PIK3C2G: variants seen among roughly 807,000 people sequenced by gnomAD.
PIK3C2G encodes the protein phosphatidylinositol-4-phosphate 3-kinase catalytic subunit type 2 gamma.
A neutral mutation model predicts 181.1 loss-of-function variants in PIK3C2G; 168 were observed. The observed-to-expected ratio is 0.93, with a 90% CI of 0.82 to 1.05. The LOEUF (loss-of-function observed/expected upper bound fraction) is 1.05. Ranked by LOEUF, PIK3C2G falls within the 50% of genes least tolerant of loss-of-function variation. PIK3C2G has a pLI of 0.00. For missense variants in PIK3C2G, 1,869 were observed against 1,732.8 expected (o/e 1.08, Z -1.40); for synonymous variants, 573 against 592.2 (o/e 0.97, Z 0.47).
At chr12:18,647,451 T>C (rs1450282914) in intron 32 of PIK3C2G, among the ~76,000 whole-genome samples, 1 of 143,528 alleles carries the variant, frequency 7.0e-6, no homozygotes, top group Non-Finnish European at 1.5e-5. Flanking sequence ...GAATCTAAAA[T>C]TGAAAAAAAA....
chr12:18,357,050 A>G (rs1383422551), intron 11 of PIK3C2G, among the ~76,000 whole-genome samples: 1 of 152,128 alleles, frequency 6.6e-6, no homozygotes, highest in Non-Finnish European at 1.5e-5. Context: ...CATTCTAATT[A>G]TCACATTAAA....
At chr12:18,664,828 C>G in the PIK3C2G span, among the ~76,000 whole-genome samples, 1 of 150,578 alleles carries the variant, frequency 6.6e-6, no homozygotes, top group Non-Finnish European at 1.5e-5. Flanking sequence ...TATGCAGCCA[C>G]AAAAAATGAT....
the PIK3C2G span, among the ~76,000 whole-genome samples, chr12:18,689,548 G>A: frequency 7.9e-5 from 12 of 152,098 alleles, no homozygotes; most frequent in Non-Finnish European, 1.3e-4. Flanking sequence ...CAAAATATTG[G>A]ACACCCCTGG....
At chr12:18,603,623 A>G (rs1015582619) in intron 30 of PIK3C2G, among the ~76,000 whole-genome samples, 2 of 152,196 alleles carry the variant, frequency 1.3e-5, no homozygotes, top group Admixed American at 1.3e-4. Context: ...GTGAGACAGA[A>G]GCACCAGTTA....
chr12:18,655,512 C>T, the PIK3C2G span, among the ~76,000 whole-genome samples: 1 of 152,122 alleles, frequency 6.6e-6, no homozygotes, highest in African/African-American at 2.4e-5. Flanking sequence ...CTACCCATTC[C>T]TTACATATGA....
intron 22 of PIK3C2G, among the ~76,000 whole-genome samples, chr12:18,500,584 A>G (rs1164071967): frequency 6.6e-6 from 1 of 152,166 alleles, no homozygotes; most frequent in Non-Finnish European, 1.5e-5. Flanking sequence ...TGCGAGATCC[A>G]CTGGGTGACG....
intron 18 of PIK3C2G, among the ~76,000 whole-genome samples, chr12:18,482,316 C>G (rs893823635): frequency 7.9e-5 from 12 of 151,752 alleles, no homozygotes; most frequent in Admixed American, 2.0e-4. Flanking sequence ...GAAAAGTGAC[C>G]CTCATACTTG....
intron 12 of PIK3C2G, among the ~76,000 whole-genome samples, chr12:18,370,454 C>T (rs1305173077): frequency 6.6e-6 from 1 of 152,120 alleles, no homozygotes; most frequent in African/African-American, 2.4e-5. Context: ...ATTTCAGTGA[C>T]CATCCTCCAA....
chr12:18,279,104 G>C (rs1949105098), intron 1 of PIK3C2G, among the ~76,000 whole-genome samples: 1 of 151,986 alleles, frequency 6.6e-6, no homozygotes, highest in Non-Finnish European at 1.5e-5. Context: ...ACTCTGTTCA[G>C]GGCCAAAATC....
intron 25 of PIK3C2G, among the ~76,000 whole-genome samples, chr12:18,540,686 A>T (rs1015598111): frequency 3.3e-5 from 5 of 152,032 alleles, no homozygotes; most frequent in African/African-American, 9.6e-5. Flanking sequence ...ATCCAAAAAA[A>T]CTTCTATGCT....
intron 1 of PIK3C2G, among the ~76,000 whole-genome samples, chr12:18,267,858 T>A (rs1230093633): frequency 6.6e-6 from 1 of 152,160 alleles, no homozygotes; most frequent in East Asian, 1.9e-4. Flanking sequence ...CAAACATTCA[T>A]CCCCCGTTCC....
At chr12:18,474,203 T>C (rs528631584) in intron 18 of PIK3C2G, among the ~76,000 whole-genome samples, 1 of 152,266 alleles carries the variant, frequency 6.6e-6, no homozygotes, top group South Asian at 2.1e-4. Flanking sequence ...TTAGCTACTA[T>C]TGAGATTCAG....
At chr12:18,719,350 C>T in the PIK3C2G span, 8 of 741,878 alleles carry the variant, frequency 1.1e-5, no homozygotes, top group Non-Finnish European at 1.6e-5. Flanking sequence ...TTTTATTGTG[C>T]ACTCTTGCCT....
At chr12:18,255,157 G>A (rs892195134) in intron 1 of PIK3C2G, among the ~76,000 whole-genome samples, 15 of 151,244 alleles carry the variant, frequency 9.9e-5, no homozygotes, top group African/African-American at 3.4e-4. Flanking sequence ...TGGAGATTGC[G>A]GTGAGCTGAG....
rs1324647652 is a variant in PIK3C2G, at chr12:18,313,963, G to A, written c.1036G>A (p.Asp346Asn). 5 of 1,549,944 alleles carry A rather than the reference G, an allele frequency of 3.2e-6. No individual in the cohort carries two copies. The highest frequency in any genetic ancestry group is 2.7e-5 in the African/African-American group (2 of 73,570). The change falls in exon 6 of 33, where the codon GAC (aspartate) becomes AAC (asparagine). Residue 346 changes from aspartate to asparagine, a missense_variant and splice_region_variant. Transcript: ENST00000538779. ...VCGSEEFLQN[D>N]HCLGSHKMFQ... Reference sequence around the variant, plus strand: ...TGTGTTCATTTTTTCCTCCTTCAGCGACCACTGTTTGGGGAGCCACAAAAT... The same window carrying A: ...TGTGTTCATTTTTTCCTCCTTCAGCAACCACTGTTTGGGGAGCCACAAAAT...
intron 24 of PIK3C2G, among the ~76,000 whole-genome samples, chr12:18,517,135 T>C (rs1430678834): frequency 1.3e-5 from 2 of 152,020 alleles, no homozygotes; most frequent in African/African-American, 2.4e-5. Context: ...TCTTCCAGCT[T>C]TTGCAGGTGA....
rs367935508 is a variant in PIK3C2G at position 18,338,453 on chromosome 12, G to C, written c.1300G>C (p.Val434Leu). The change falls in exon 9 of 33, where the codon GTT becomes CTT. Residue 434 changes from valine (V) to leucine (L), a missense_variant. Val to Leu is a conservative substitution (Grantham distance 32, BLOSUM62 1). Transcript: ENST00000538779. The part of the protein sequence containing the change: ...QENVYNIIEE[V>L]KKICSVLGCV... ...AAACGTGTATAATATTATTGAAGAA[G>C]TTAAAAAAATATGCAGTGTTCTAGG... is the stretch of plus-strand genomic sequence containing the variant. 1 of 1,572,258 alleles carries C rather than the reference G, an allele frequency of 6.4e-7. No individual in the cohort carries two copies. Among genetic ancestry groups the C allele is most frequent in the East Asian group, 2.2e-5 (1 of 44,518 alleles).
At chr12:18,710,594 A>G in the PIK3C2G span, among the ~76,000 whole-genome samples, 2 of 152,130 alleles carry the variant, frequency 1.3e-5, no homozygotes, top group African/African-American at 4.8e-5. Flanking sequence ...ATGAGATTGC[A>G]GGGGAATAAG....
At chr12:18,555,277 A>C (rs774515133) in intron 26 of PIK3C2G, among the ~76,000 whole-genome samples, 7 of 152,138 alleles carry the variant, frequency 4.6e-5, no homozygotes, top group Non-Finnish European at 5.9e-5. Flanking sequence ...ATCTCTCCTC[A>C]ATGCTTAGTC....
Sources: allele counts gnomAD v4.1 joint callset (sites outside exome capture counted in the v4.1 genomes callset), GRCh38; gene constraint gnomAD v4.1.1; transcripts MANE v1.5; gene names NCBI Gene and HGNC (gene_info 2026-07-23, HGNC 2026-07-21).